Variants in CDK8 observed in about 807,000 individuals in gnomAD.
The protein encoded by CDK8 is cyclin-dependent kinase 8.
CDK8 carries 29 observed loss-of-function variants against 71.5 expected under a neutral mutation model. The ratio of observed to expected loss-of-function variants is 0.41; its 90% CI spans 0.30 to 0.55. The LOEUF is 0.55. CDK8 is among the 20% of genes least tolerant of loss of function. The probability of loss-of-function intolerance (pLI) is 0.37; values close to 1 mark genes in which losing one functional copy is unlikely to be tolerated. For missense variants in CDK8, 288 were observed against 572.6 expected (o/e 0.50, Z 5.07); for synonymous variants, 161 against 192.1 (o/e 0.84, Z 1.34).
intron 1 of CDK8, among the ~76,000 whole-genome samples, chr13:26,259,357 C>G (rs947042566): frequency 6.6e-6 from 1 of 151,954 alleles, no homozygotes; most frequent in African/African-American, 2.4e-5. Flanking sequence ...TTTTTCTTGT[C>G]ATTATTTCCT....
At chr13:26,392,282 A>G (rs17083992) in intron 6 of CDK8, among the ~76,000 whole-genome samples, 1,868 of 142,444 alleles carry the variant, frequency 0.013, 42 homozygotes, top group African/African-American at 0.044. Flanking sequence ...AGAGAAACCC[A>G]TTTGCCTGGC....
chr13:26,321,040 G>A (rs1874751966), intron 1 of CDK8, among the ~76,000 whole-genome samples: 1 of 152,108 alleles, frequency 6.6e-6, no homozygotes, highest in Non-Finnish European at 1.5e-5. Flanking sequence ...TTCAAAGGAG[G>A]CCTTCAAAGA....
At chr13:26,397,105 A>G in intron 8 of CDK8, 48 bp from the exon 9 acceptor site, 2 of 1,073,894 alleles carry the variant, frequency 1.9e-6, no homozygotes, top group South Asian at 1.3e-5. Context: ...GCCAATGTAC[A>G]ATTAACCTCA....
intron 4 of CDK8, among the ~76,000 whole-genome samples, chr13:26,369,748 G>A (rs1427569717): frequency 3.0e-5 from 4 of 133,526 alleles, no homozygotes; most frequent in African/African-American, 8.4e-5. Context: ...AGTAGATAGG[G>A]TGTTTCACCA....
Position 26,404,363 on chromosome 13 carries a change from T to C in CDK8, c.*282T>C, listed in dbSNP as rs1202616335. On this transcript the variant is annotated 3_prime_UTR_variant, in exon 13 of 13. Transcript: ENST00000381527. ...TGGTTCAGACTGACCAATGCATTTTTTTCAGTGACAGTCTGTAGCAGTTGA... is the reference window on the plus strand; with the variant it reads ...TGGTTCAGACTGACCAATGCATTTTCTTCAGTGACAGTCTGTAGCAGTTGA... 3.2e-6 allele frequency: 1 copy of C among 315,516 alleles called. No homozygotes were observed. The highest frequency in any genetic ancestry group is 5.9e-6 in the Non-Finnish European group (1 of 168,728). The allele number at this position is 315,516 out of a possible 1,614,324, so 19.5% of individuals were successfully genotyped here.
intron 1 of CDK8, among the ~76,000 whole-genome samples, chr13:26,259,244 G>A (rs146761487): frequency 1.3e-5 from 2 of 152,218 alleles, no homozygotes; most frequent in East Asian, 1.9e-4. Context: ...AGTCCCCTGT[G>A]TCTGCAGGTC....
chr13:26,340,045 TTTCATAGGTGCTATTA>T (rs1386372278), intron 2 of CDK8, among the ~76,000 whole-genome samples: 1 of 151,982 alleles, frequency 6.6e-6, no homozygotes, highest in African/African-American at 2.4e-5. Flanking sequence ...GCTGTGTGTT[TTTCATAGGTGCTATTA>T]ATCAAGTTTA....
At chr13:26,288,167 C>G (rs1329089642) in intron 1 of CDK8, among the ~76,000 whole-genome samples, 1 of 151,996 alleles carries the variant, frequency 6.6e-6, no homozygotes, top group African/African-American at 2.4e-5. Flanking sequence ...TTTCACCATG[C>G]TGGCCAGGCT....
chr13:26,348,524 A>G (rs922556725), intron 2 of CDK8, among the ~76,000 whole-genome samples: 16 of 152,080 alleles, frequency 1.1e-4, no homozygotes, highest in African/African-American at 3.9e-4. Context: ...CTGAGGTGAA[A>G]CGGTTTCATC....
chr13:26,366,825 C>T (rs892188386), intron 4 of CDK8, among the ~76,000 whole-genome samples: 3 of 152,126 alleles, frequency 2.0e-5, no homozygotes, highest in African/African-American at 7.2e-5. Context: ...ATTCATTTAA[C>T]ATCTGTTTAT....
At chr13:26,371,222 A>G (rs1874668177) in intron 4 of CDK8, among the ~76,000 whole-genome samples, 1 of 152,204 alleles carries the variant, frequency 6.6e-6, no homozygotes, top group Non-Finnish European at 1.5e-5. Context: ...TTATATATCA[A>G]GAATCTTGCT....
At chr13:26,301,212 C>CTTTTT (rs36054795) in intron 1 of CDK8, among the ~76,000 whole-genome samples, 3 of 92,902 alleles carry the variant, frequency 3.2e-5, no homozygotes, top group African/African-American at 4.2e-5. Context: ...TATCAGTAGA[C>CTTTTT]TTTTTTTTTT....
chr13:26,382,798 T>C lies in CDK8; in HGVS notation c.457-16T>C. On this transcript the variant is annotated splice_polypyrimidine_tract_variant and intron_variant, in intron 4 of 12. Transcript: ENST00000381527. ...ACTACTGTCTACTGAAAAAAAACACTATTTTGTTTCCACAGAAACCTGCTA... is the reference window on the plus strand; with the variant it reads ...ACTACTGTCTACTGAAAAAAAACACCATTTTGTTTCCACAGAAACCTGCTA... 1 of 1,567,406 alleles carries C rather than the reference T, an allele frequency of 6.4e-7. No homozygotes were observed. The highest frequency in any genetic ancestry group is 8.7e-7 in the Non-Finnish European group (1 of 1,152,778).
chr13:26,355,223 A>G (rs1873843625), intron 4 of CDK8, among the ~76,000 whole-genome samples: 1 of 152,222 alleles, frequency 6.6e-6, no homozygotes, highest in Admixed American at 6.5e-5. Flanking sequence ...ATACCTACAA[A>G]GCATTTAGAC....
chr13:26,309,140 GAT>G (rs1491255985), intron 1 of CDK8, among the ~76,000 whole-genome samples: 6 of 85,226 alleles, frequency 7.0e-5, no homozygotes, highest in African/African-American at 2.4e-4. Flanking sequence ...TATGTATATA[GAT>G]TTTTTTTTTT....
At chr13:26,354,144 A>C (rs532744426) in intron 4 of CDK8, among the ~76,000 whole-genome samples, 1 of 152,322 alleles carries the variant, frequency 6.6e-6, no homozygotes, top group Admixed American at 6.5e-5. Context: ...TTCATAAATA[A>C]AGCATTGGCT....
At chr13:26,327,276 G>T (rs1875062354) in intron 1 of CDK8, among the ~76,000 whole-genome samples, 3 of 151,930 alleles carry the variant, frequency 2.0e-5, no homozygotes. Flanking sequence ...TTATAATTTT[G>T]AATTAAATAA....
chr13:26,373,205 T>C lies in CDK8; in HGVS notation c.457-9609T>C, dbSNP rs148141001. Among the ~76,000 whole-genome samples the C allele has an allele frequency of 2.7e-3, 404 of 152,316 alleles. 1 individual carries two copies. The highest frequency in any genetic ancestry group is 4.2e-3 in the Non-Finnish European group (288 of 68,030). On this transcript the variant is annotated intron_variant, in intron 4 of 12. Transcript: ENST00000381527. ...CATACTAGTGCCCCCATTATTCTAA[T>C]TCTCTTTTTCTTTCATTGTACTAAT...
At chr13:26,279,143 A>C (rs960878184) in intron 1 of CDK8, among the ~76,000 whole-genome samples, 16 of 149,166 alleles carry the variant, frequency 1.1e-4, no homozygotes, top group Admixed American at 8.7e-4. Flanking sequence ...ATAGTAAAAA[A>C]GGTAGGGTGG....
Sources: gnomAD v4.1 joint callset for allele counts (sites outside exome capture counted in the v4.1 genomes callset) on GRCh38, gnomAD v4.1.1 for gene constraint, MANE v1.5 for transcripts, NCBI Gene and HGNC (gene_info 2026-07-23, HGNC 2026-07-21) for gene names.